The following DACH1 variants were observed in gnomAD, a reference collection of about 807,000 sequenced individuals.
DACH1 encodes the protein dachshund homolog 1.
DACH1 carries 12 observed loss-of-function variants against 54.2 expected under a neutral mutation model. The ratio of observed to expected loss-of-function variants is 0.22; its 90% CI spans 0.14 to 0.36. DACH1 has a LOEUF of 0.36. Among genes scored for constraint, DACH1 ranks in the 10% least tolerant of loss-of-function variants. DACH1 has a pLI of 1.00. For missense variants in DACH1, 805 were observed against 929.8 expected (o/e 0.87, Z 1.75); for synonymous variants, 386 against 366.2 (o/e 1.05, Z -0.62).
chr13:71,771,539 T>C (rs975220511), intron 1 of DACH1, among the ~76,000 whole-genome samples: 1 of 151,416 alleles, frequency 6.6e-6, no homozygotes, highest in Non-Finnish European at 1.5e-5. Context: ...CTTACAGAAC[T>C]CTAGAAAGGG....
At chr13:71,505,122 CG>C (rs1459680059) in intron 6 of DACH1, among the ~76,000 whole-genome samples, 1 of 151,978 alleles carries the variant, frequency 6.6e-6, no homozygotes, top group Non-Finnish European at 1.5e-5. Flanking sequence ...CTTACTCTGT[CG>C]CCAGGCTGGA....
intron 5 of DACH1, among the ~76,000 whole-genome samples, chr13:71,559,088 A>G (rs1327016454): frequency 6.6e-6 from 1 of 152,110 alleles, no homozygotes; most frequent in African/African-American, 2.4e-5. Context: ...TATCAAAAGA[A>G]CAATCTGAGA....
intron 1 of DACH1, among the ~76,000 whole-genome samples, chr13:71,840,850 T>C (rs1872791340): frequency 6.6e-6 from 1 of 152,210 alleles, no homozygotes; most frequent in South Asian, 2.1e-4. Context: ...ATGGATGTGA[T>C]GTATGGGCTT....
intron 3 of DACH1, among the ~76,000 whole-genome samples, chr13:71,582,252 T>C (rs1872903813): frequency 6.6e-6 from 1 of 152,164 alleles, no homozygotes; most frequent in Non-Finnish European, 1.5e-5. Context: ...AATAAATTCT[T>C]AGCACAAATG....
chr13:71,501,800 C>T (rs1249158945), intron 6 of DACH1, among the ~76,000 whole-genome samples: 1 of 152,178 alleles, frequency 6.6e-6, no homozygotes, highest in African/African-American at 2.4e-5. Flanking sequence ...ACAGAGAGTG[C>T]TTCCTATGTG....
chr13:71,828,119 A>G (rs192746880), intron 1 of DACH1, among the ~76,000 whole-genome samples: 2 of 152,142 alleles, frequency 1.3e-5, no homozygotes, highest in Admixed American at 6.6e-5. Flanking sequence ...AACAGAAGCC[A>G]CCTTTCCGCT....
chr13:71,440,587 C>T lies in DACH1; in HGVS notation c.*68G>A. 2 of 1,302,166 alleles carry T rather than the reference C, an allele frequency of 1.5e-6. No homozygotes were observed. Among genetic ancestry groups the T allele is most frequent in the East Asian group, 2.5e-5 (1 of 39,220 alleles). 80.7% of individuals were successfully genotyped at this position (1,302,166 alleles called of 1,614,324 possible). ...TAAAAGGACTTTATTTTTTTCTGAA[C>T]TTTCCCATGACGAATGTCTGACTGC... On this transcript the variant is annotated 3_prime_UTR_variant, in exon 11 of 11. Coordinates refer to ENST00000613252, the MANE Select transcript of DACH1 (RefSeq NM_080759.6).
At chr13:71,545,525 A>G (rs76393916) in intron 6 of DACH1, among the ~76,000 whole-genome samples, 2 of 125,032 alleles carry the variant, frequency 1.6e-5, no homozygotes, top group South Asian at 5.5e-4. Flanking sequence ...AAAAGAAGAA[A>G]GGAAGGAAGA....
chr13:71,706,485 T>C (rs1882454948), intron 1 of DACH1, among the ~76,000 whole-genome samples: 1 of 152,128 alleles, frequency 6.6e-6, no homozygotes, highest in South Asian at 2.1e-4. Context: ...GTTTGCTATT[T>C]ATTTTTAATT....
chr13:71,519,086 C>A (rs1374061274), intron 6 of DACH1, among the ~76,000 whole-genome samples: 1 of 151,590 alleles, frequency 6.6e-6, no homozygotes, highest in Non-Finnish European at 1.5e-5. Flanking sequence ...TCCAATAATC[C>A]CAAAATATTT....
intron 6 of DACH1, among the ~76,000 whole-genome samples, chr13:71,497,905 T>C (rs61957808): frequency 6.9e-6 from 1 of 145,414 alleles, no homozygotes; most frequent in Non-Finnish European, 1.5e-5. Flanking sequence ...CACACACAGA[T>C]ACACAGACAC....
chr13:71,603,611 T>C (rs1474809049), intron 3 of DACH1, among the ~76,000 whole-genome samples: 1 of 152,008 alleles, frequency 6.6e-6, no homozygotes, highest in Admixed American at 6.6e-5. Context: ...CTTGTTTTCT[T>C]TTCTGTGTCA....
At chr13:71,793,298 G>A (rs73525492) in intron 1 of DACH1, among the ~76,000 whole-genome samples, 131 of 152,164 alleles carry the variant, frequency 8.6e-4, no homozygotes, top group Non-Finnish European at 1.6e-3. Context: ...ATTTTCAGTC[G>A]AAAGCTGCTT....
chr13:71,798,323 CATATATATATATATATATATATATATAT>C lies in DACH1; in HGVS notation c.848+67571_848+67598del, dbSNP rs35310464. ...GATTTTAAAGAGAACTTGTTACATA[CATATATATATATATATATATATATATAT>C]ATATATATATATCCATTACCTATAA... On this transcript the variant is annotated intron_variant, in intron 1 of 10. Transcript: ENST00000613252. Among the ~76,000 whole-genome samples, 34 of 96,502 alleles carry C rather than the reference CATATATATATATATATATATATATATAT, an allele frequency of 3.5e-4. 1 individual carries two copies. The highest frequency in any genetic ancestry group is 1.2e-3 in the Admixed American group (11 of 9,424). 63.3% of individuals were successfully genotyped at this position (96,502 alleles called of 152,430 possible). A position where few individuals can be genotyped will look rare whatever the true frequency, so the allele number is the denominator to read the frequency against.
chr13:71,704,808 C>T (rs186606889), intron 1 of DACH1, among the ~76,000 whole-genome samples: 1 of 151,844 alleles, frequency 6.6e-6, no homozygotes, highest in South Asian at 2.1e-4. Flanking sequence ...ATTATTTGAA[C>T]TTAATGTTAT....
At chr13:71,598,420 A>C (rs1456947182) in intron 3 of DACH1, among the ~76,000 whole-genome samples, 1 of 151,882 alleles carries the variant, frequency 6.6e-6, no homozygotes, top group East Asian at 2.0e-4. Flanking sequence ...ACGCCCGGCT[A>C]ATTTTTGTAT....
At chr13:71,496,259 A>ATGTATATATATG (rs1879401250) in intron 6 of DACH1, among the ~76,000 whole-genome samples, 1 of 62,116 alleles carries the variant, frequency 1.6e-5, no homozygotes, top group African/African-American at 6.3e-5. Flanking sequence ...AAAAATTGCT[A>ATGTATATATATG]TGTATATATA....
chr13:71,720,828 GT>G, intron 1 of DACH1, among the ~76,000 whole-genome samples: 2 of 152,032 alleles, frequency 1.3e-5, no homozygotes. Flanking sequence ...TTATCAAAAA[GT>G]TTATTTTCTT....
intron 1 of DACH1, among the ~76,000 whole-genome samples, chr13:71,693,237 A>G (rs1881613857): frequency 6.6e-6 from 1 of 151,006 alleles, no homozygotes; most frequent in Non-Finnish European, 1.5e-5. Context: ...AAGTCCACAT[A>G]CACACACACA....
Sources: allele counts gnomAD v4.1 joint callset (sites outside exome capture counted in the v4.1 genomes callset), GRCh38; gene constraint gnomAD v4.1.1; transcripts MANE v1.5; gene names NCBI Gene and HGNC (gene_info 2026-07-23, HGNC 2026-07-21).